The following RFC3 variants were observed in gnomAD, a reference collection of about 807,000 sequenced individuals.
RFC3 encodes the protein A1 38 kDa subunit.
In RFC3, 41 loss-of-function variants were observed where a neutral mutation model predicts 45.1. That is an observed-to-expected ratio of 0.91 (90% CI 0.71 to 1.18). The LOEUF (loss-of-function observed/expected upper bound fraction) is 1.18. Among genes scored for constraint, RFC3 ranks in the 50% most tolerant of loss-of-function variants. The probability of loss-of-function intolerance (pLI) is 0.00; values close to 1 mark genes in which losing one functional copy is unlikely to be tolerated. For missense variants in RFC3, 423 were observed against 428.1 expected, an observed-to-expected ratio of 0.99 and a Z score of 0.10; for synonymous variants, 149 against 144.0, an observed-to-expected ratio of 1.03 and a Z score of -0.25.
At position 33,825,839 on chromosome 13, in the gene RFC3, T is replaced by C. The variant is rs758867827; in HGVS notation, c.344T>C (p.Val115Ala). Reference protein sequence around the residue: ...RVVIQEMLKTVAQSQQLETNS... With the variant: ...RVVIQEMLKTAAQSQQLETNS... ...GTCATTCAGGAGATGTTGAAAACAGTGGCACAATCACAACAACTTGAAACA... is the reference window on the plus strand; with the variant it reads ...GTCATTCAGGAGATGTTGAAAACAGCGGCACAATCACAACAACTTGAAACA... Residue 115 changes from valine to alanine, a missense_variant, in exon 4 of 9, where the codon GTG becomes GCG. Physicochemically the swap from Val to Ala is moderately conservative, Grantham distance 64 (BLOSUM62 0). Transcript: ENST00000380071. 2 of 1,608,618 alleles carry C rather than the reference T, an allele frequency of 1.2e-6. No homozygotes were observed. The highest frequency in any genetic ancestry group is 2.2e-5 in the East Asian group (1 of 44,560).
chr13:33,818,897 T>G (rs1566373859), intron 1 of RFC3, among the ~76,000 whole-genome samples: 5 of 147,304 alleles, frequency 3.4e-5, no homozygotes, highest in Admixed American at 1.3e-4. Flanking sequence ...TTTTTTTTTT[T>G]TTTTTTTTTT....
intron 8 of RFC3, among the ~76,000 whole-genome samples, chr13:33,952,487 G>T (rs1593715442): frequency 6.6e-6 from 1 of 152,300 alleles, no homozygotes; most frequent in East Asian, 1.9e-4. Context: ...TGAATCTCAG[G>T]TTTTCATCTG....
At chr13:33,914,995 C>T (rs1427240845) in intron 8 of RFC3, among the ~76,000 whole-genome samples, 1 of 152,014 alleles carries the variant, frequency 6.6e-6, no homozygotes, top group African/African-American at 2.4e-5. Context: ...ATGTGAACAC[C>T]ACAAAGAATT....
chr13:33,908,383 A>G (rs889157624), intron 8 of RFC3, among the ~76,000 whole-genome samples: 3 of 152,030 alleles, frequency 2.0e-5, no homozygotes, highest in Admixed American at 2.0e-4. Context: ...TTGAGTGCCA[A>G]AAGAGCTGTG....
At chr13:33,969,207 T>A (rs1448368045), downstream of RFC3, among the ~76,000 whole-genome samples, 1 of 152,218 alleles carries the variant, frequency 6.6e-6, no homozygotes, top group Non-Finnish European at 1.5e-5. Context: ...TGTCCTTTCT[T>A]TTTGAAAAGC....
downstream of RFC3, among the ~76,000 whole-genome samples, chr13:33,841,267 G>A (rs1375619712): frequency 1.3e-5 from 2 of 152,154 alleles, no homozygotes; most frequent in Non-Finnish European, 2.9e-5. Context: ...CTGGTCCCTG[G>A]TGCTAAAAAG....
intron 8 of RFC3, among the ~76,000 whole-genome samples, chr13:33,937,068 A>AT (rs2082891187): frequency 6.6e-6 from 1 of 152,188 alleles, no homozygotes; most frequent in Non-Finnish European, 1.5e-5. Flanking sequence ...ATACTAAATC[A>AT]TCAGGTTGTA....
Position 33,829,873 on chromosome 13 carries a change from T to A in RFC3, c.429T>A (p.Asp143Glu), listed in dbSNP as rs748928589. ...CAGAAGTTGACAAACTCACCAAAGATGCTCAGCATGCCTTGCGAAGAACCA... is the reference window on the plus strand; with the variant it reads ...CAGAAGTTGACAAACTCACCAAAGAAGCTCAGCATGCCTTGCGAAGAACCA... ...LLTEVDKLTK[D>E]AQHALRRTME... is the part of the protein sequence containing the mutation. The change falls in exon 5 of 9, where the codon GAT becomes GAA. Residue 143 changes from aspartate (D) to glutamate (E), a missense_variant. Physicochemically the swap from Asp to Glu is conservative, Grantham distance 45. Coordinates refer to ENST00000380071, the MANE Select transcript of RFC3 (RefSeq NM_002915.4). 5 of 1,614,180 alleles carry A rather than the reference T, an allele frequency of 3.1e-6. No homozygotes were observed. Among genetic ancestry groups the A allele is most frequent in the Non-Finnish European group, 4.2e-6 (5 of 1,179,996 alleles).
chr13:33,932,227 CACATTTTAAT>C (rs1228337480), intron 8 of RFC3, among the ~76,000 whole-genome samples: 7 of 152,112 alleles, frequency 4.6e-5, no homozygotes, highest in Admixed American at 3.9e-4. Context: ...AGCTAAAGAA[CACATTTTAAT>C]CTGCTGTAGA....
At chr13:33,875,013 A>G (rs1185666255) in intron 8 of RFC3, among the ~76,000 whole-genome samples, 1 of 152,238 alleles carries the variant, frequency 6.6e-6, no homozygotes, top group East Asian at 1.9e-4. Context: ...AAAATGCAAC[A>G]GCGGATTAAG....
At chr13:33,825,686 T>C (rs897795590) in intron 3 of RFC3, 103 bp from the exon 4 acceptor site, 4 of 513,640 alleles carry the variant, frequency 7.8e-6, no homozygotes, top group Non-Finnish European at 1.3e-5. Context: ...AGTTAAGTGA[T>C]ATTAATTTTG....
chr13:33,950,282 G>A (rs2082981487), intron 8 of RFC3, among the ~76,000 whole-genome samples: 1 of 152,112 alleles, frequency 6.6e-6, no homozygotes, highest in Non-Finnish European at 1.5e-5. Flanking sequence ...TACTGTAACT[G>A]TGTAGCAGTA....
At chr13:33,826,749 T>A (rs1288667009) in intron 4 of RFC3, among the ~76,000 whole-genome samples, 1 of 152,070 alleles carries the variant, frequency 6.6e-6, no homozygotes, top group Non-Finnish European at 1.5e-5. Context: ...GTAGTTTGAG[T>A]TTTTTTAGAT....
At chr13:33,841,627 A>T (rs987774936), downstream of RFC3, among the ~76,000 whole-genome samples, 1 of 152,190 alleles carries the variant, frequency 6.6e-6, no homozygotes, top group East Asian at 1.9e-4. Flanking sequence ...GACTATTGGT[A>T]ATTACATTTT....
chr13:33,970,968 G>T (rs963317589), downstream of RFC3, among the ~76,000 whole-genome samples: 1 of 152,088 alleles, frequency 6.6e-6, no homozygotes, highest in African/African-American at 2.4e-5. Context: ...CAGCCAGGTG[G>T]GTATGAGCCA....
chr13:33,888,789 A>G (rs1256558490), intron 8 of RFC3, among the ~76,000 whole-genome samples: 2 of 147,676 alleles, frequency 1.4e-5, no homozygotes, highest in Non-Finnish European at 3.0e-5. Context: ...TCTTTCACCC[A>G]GGCTGGAGTA....
chr13:33,974,413 C>G, the RFC3 span, among the ~76,000 whole-genome samples: 16 of 152,276 alleles, frequency 1.1e-4, no homozygotes, highest in African/African-American at 3.6e-4. Flanking sequence ...ATCTGGGGCC[C>G]AGACTGCTGT....
At chr13:33,827,604 T>C (rs2082062456) in intron 4 of RFC3, among the ~76,000 whole-genome samples, 1 of 152,216 alleles carries the variant, frequency 6.6e-6, no homozygotes, top group African/African-American at 2.4e-5. Context: ...TCATTAAAAA[T>C]GTGAACAATA....
At chr13:33,922,444 C>T (rs1183261035) in intron 8 of RFC3, among the ~76,000 whole-genome samples, 1 of 151,996 alleles carries the variant, frequency 6.6e-6, no homozygotes, top group Admixed American at 6.6e-5. Flanking sequence ...CACAGGTTGT[C>T]ATATATCATC....
Sources: allele counts gnomAD v4.1 joint callset (sites outside exome capture counted in the v4.1 genomes callset), GRCh38; gene constraint gnomAD v4.1.1; transcripts MANE v1.5; gene names NCBI Gene and HGNC (gene_info 2026-07-23, HGNC 2026-07-21).